PPME1: variants seen among roughly 807,000 people sequenced by gnomAD.
PPME1 encodes protein phosphatase methylesterase 1, also known as testicular secretory protein Li 39.
A neutral mutation model predicts 56.9 loss-of-function variants in PPME1; 17 were observed. The observed-to-expected ratio is 0.30, with a 90% CI of 0.20 to 0.45. The LOEUF is 0.45. Among genes scored for constraint, PPME1 ranks in the 20% least tolerant of loss-of-function variants. PPME1 has a pLI of 1.00. For missense variants in PPME1, 357 were observed against 483.2 expected, an observed-to-expected ratio of 0.74 and a Z score of 2.45; for synonymous variants, 122 against 156.2, an observed-to-expected ratio of 0.78 and a Z score of 1.63.
At chr11:74,192,897 C>G (rs1293057294) in intron 1 of PPME1, among the ~76,000 whole-genome samples, 2 of 152,180 alleles carry the variant, frequency 1.3e-5, no homozygotes, top group Admixed American at 1.3e-4. Flanking sequence ...ATTACCCAGT[C>G]TCAGGTATTA....
At chr11:74,205,314 A>T (rs933702521) in intron 3 of PPME1, 1 of 152,234 alleles carries the variant, frequency 6.6e-6, no homozygotes, top group African/African-American at 2.4e-5. Flanking sequence ...GCTGTCAATT[A>T]TAGATCTTCC....
chr11:74,181,662 A>G (rs1857541899), intron 1 of PPME1, among the ~76,000 whole-genome samples: 1 of 152,202 alleles, frequency 6.6e-6, no homozygotes, highest in African/African-American at 2.4e-5. Flanking sequence ...ACATAGCACA[A>G]ATTCATTTAA....
intron 10 of PPME1, 125 bp from the exon 11 acceptor site, chr11:74,246,954 C>A: frequency 1.2e-6 from 1 of 803,720 alleles, no homozygotes; most frequent in Non-Finnish European, 2.1e-6. Context: ...TGAGAGTATG[C>A]TCTGGGAGTT....
chr11:74,181,540 TTG>T (rs1223687481), intron 1 of PPME1, among the ~76,000 whole-genome samples: 1 of 152,248 alleles, frequency 6.6e-6, no homozygotes, highest in Non-Finnish European at 1.5e-5. Flanking sequence ...ATGCAGATTT[TTG>T]TGTGTTTCCT....
intron 9 of PPME1, among the ~76,000 whole-genome samples, chr11:74,242,185 G>C (rs1859378145): frequency 1.3e-5 from 2 of 152,176 alleles, no homozygotes; most frequent in Non-Finnish European, 2.9e-5. Flanking sequence ...TCTTTTGCAT[G>C]TAGATACCCA....
intron 3 of PPME1, among the ~76,000 whole-genome samples, chr11:74,212,555 A>ACCT (rs892490540): frequency 3.9e-4 from 60 of 152,204 alleles, no homozygotes; most frequent in African/African-American, 1.3e-3. Flanking sequence ...CTCTCCCCCA[A>ACCT]CCTCAGGTGG....
chr11:74,194,390 C>T (rs1413715900), intron 1 of PPME1, among the ~76,000 whole-genome samples: 5 of 152,134 alleles, frequency 3.3e-5, no homozygotes, highest in South Asian at 2.1e-4. Flanking sequence ...CAAGTTCAGA[C>T]AGTTGGCAAA....
chr11:74,237,299 A>G (rs1859216982), intron 8 of PPME1, among the ~76,000 whole-genome samples: 1 of 120,500 alleles, frequency 8.3e-6, no homozygotes, highest in Non-Finnish European at 1.6e-5. Context: ...TTTTTGAGAC[A>G]GAGTCTCACT....
At position 74,230,755 on chromosome 11, in the gene PPME1, A is replaced by G; in HGVS notation, c.554-157A>G. ...GAGGGCATGACATAAAGAAGTGAAT[A>G]CCCCAGAGGCAAAAATTATTGAGGG... On this transcript the variant is annotated intron_variant, in intron 6 of 13. Coordinates refer to ENST00000328257, the MANE Select transcript of PPME1 (RefSeq NM_016147.3). The surrounding 1 kb of genome is among the most constrained non-coding windows in gnomAD (Gnocchi z 4.9). 1 of 651,204 alleles carries G rather than the reference A, an allele frequency of 1.5e-6. No homozygotes were observed. Among genetic ancestry groups the G allele is most frequent in the East Asian group, 2.8e-5 (1 of 36,276 alleles). 40.3% of individuals were successfully genotyped at this position (651,204 alleles called of 1,614,324 possible).
intron 3 of PPME1, among the ~76,000 whole-genome samples, chr11:74,208,953 T>G (rs1858400737): frequency 6.6e-6 from 1 of 152,148 alleles, no homozygotes; most frequent in African/African-American, 2.4e-5. Flanking sequence ...GAGGTTGTAG[T>G]TGTATAATAT....
intron 2 of PPME1, 31 bp downstream of exon 2, chr11:74,203,852 TG>T: frequency 6.8e-7 from 1 of 1,475,756 alleles, no homozygotes. Flanking sequence ...TATTCTTTAG[TG>T]AGCTTATGAT....
chr11:74,209,183 T>G (rs1452338630), intron 3 of PPME1, among the ~76,000 whole-genome samples: 1 of 152,204 alleles, frequency 6.6e-6, no homozygotes, highest in Non-Finnish European at 1.5e-5. Flanking sequence ...CCTGGCTCAC[T>G]GCAACCTTGA....
intron 8 of PPME1, 194 bp from the exon 9 acceptor site, chr11:74,238,939 C>T (rs1288362060): frequency 3.7e-6 from 2 of 534,750 alleles, no homozygotes; most frequent in Admixed American, 3.3e-5. Context: ...AACTGGAAAC[C>T]AGCCCTTGGA....
In PPME1 at chr11:74,225,215, G is replaced by C; in HGVS notation, c.357G>C (p.Lys119Asn). 6.4e-7 allele frequency: 1 copy of C among 1,561,074 alleles called. No individual in the cohort carries two copies. The highest frequency in any genetic ancestry group is 8.7e-7 in the Non-Finnish European group (1 of 1,150,360). The change falls in exon 5 of 14, where the codon AAG becomes AAC. Residue 119 changes from lysine to asparagine, a missense_variant. This residue lies in a region of PPME1 where 175 missense variants were observed against 189.4 expected (regional missense o/e 0.92). Transcript: ENST00000328257. ...ATATTTTCATTTTAGGTGAAACAAAGGTCAAGAATCCTGAAGATCTGTCTG... is the reference window on the plus strand; with the variant it reads ...ATATTTTCATTTTAGGTGAAACAAACGTCAAGAATCCTGAAGATCTGTCTG... ...ALDLRSHGETKVKNPEDLSAE... is the reference protein window; with the variant it reads ...ALDLRSHGETNVKNPEDLSAE...
chr11:74,235,665 G>C (rs1173096563), intron 7 of PPME1: 1 of 522,692 alleles, frequency 1.9e-6, no homozygotes, highest in African/African-American at 1.9e-5. Context: ...CTGGCACCTA[G>C]TATCCTCTTG....
rs1256244844 is a variant in PPME1 at position 74,171,446 on chromosome 11, C to A, written c.25C>A (p.His9Asn). 1.2e-6 allele frequency: 2 copies of A among 1,612,882 alleles called. No individual in the cohort carries two copies. The highest frequency in any genetic ancestry group is 2.2e-5 in the South Asian group (2 of 90,804). The change falls in exon 1 of 14, where the codon CAC becomes AAC. Residue 9 changes from histidine (H) to asparagine (N), a missense_variant. Coordinates refer to ENST00000328257, the MANE Select transcript of PPME1 (RefSeq NM_016147.3). ...GATGTCGGCCCTCGAAAAGAGCATG[C>A]ACCTCGGCCGCCTTCCCTCTCGCCC... MSALEKSM[H>N]LGRLPSRPPL... is the part of the protein sequence containing the mutation.
At chr11:74,182,842 C>T (rs912102517) in intron 1 of PPME1, among the ~76,000 whole-genome samples, 1 of 152,092 alleles carries the variant, frequency 6.6e-6, no homozygotes, top group Non-Finnish European at 1.5e-5. Flanking sequence ...GGTTGAGCAA[C>T]ATTCCTAAAG....
chr11:74,179,441 G>A (rs1857477185), intron 1 of PPME1, among the ~76,000 whole-genome samples: 1 of 152,168 alleles, frequency 6.6e-6, no homozygotes, highest in East Asian at 1.9e-4. Flanking sequence ...GTTGCAGTGT[G>A]CTGTGATCGT....
At chr11:74,175,431 G>A (rs1857378743) in intron 1 of PPME1, among the ~76,000 whole-genome samples, 2 of 152,080 alleles carry the variant, frequency 1.3e-5, no homozygotes, top group African/African-American at 4.8e-5. Context: ...AACCTGGGAG[G>A]CGGAGGTTGT....
Sources: gnomAD v4.1 joint callset for allele counts (sites outside exome capture counted in the v4.1 genomes callset) on GRCh38, gnomAD v4.1.1 for gene constraint, gnomAD v4.1.1 regional missense constraint, Gnocchi (gnomAD v3.1) non-coding constraint, MANE v1.5 for transcripts, NCBI Gene and HGNC (gene_info 2026-07-23, HGNC 2026-07-21) for gene names.